The following GABBR2 variants were observed in gnomAD, a reference collection of about 807,000 sequenced individuals.
The protein encoded by GABBR2 is gamma-aminobutyric acid type B receptor subunit 2.
GABBR2 carries 23 observed loss-of-function variants against 105.6 expected under a neutral mutation model. That is an observed-to-expected ratio of 0.22 (90% confidence interval 0.16 to 0.31). The LOEUF is 0.31. Ranked by LOEUF, GABBR2 falls within the 10% of genes least tolerant of loss-of-function variation. The pLI is 1.00. For missense variants in GABBR2, 734 were observed against 1,245.5 expected, an observed-to-expected ratio of 0.59 and a Z score of 6.18; for synonymous variants, 478 against 499.7, an observed-to-expected ratio of 0.96 and a Z score of 0.58.
At chr9:98,571,584 C>T (rs986543002) in intron 2 of GABBR2, among the ~76,000 whole-genome samples, 7 of 152,290 alleles carry the variant, frequency 4.6e-5, no homozygotes, top group Admixed American at 2.6e-4. Flanking sequence ...ATCCCCTAAC[C>T]TAGACCTGCT....
At chr9:98,453,632 G>T (rs901353969) in intron 7 of GABBR2, among the ~76,000 whole-genome samples, 1 of 152,222 alleles carries the variant, frequency 6.6e-6, no homozygotes, top group African/African-American at 2.4e-5. Context: ...TTGAAGCCAG[G>T]TACTGTGCCA....
intron 1 of GABBR2, among the ~76,000 whole-genome samples, chr9:98,649,883 C>T (rs1830081019): frequency 6.6e-6 from 1 of 152,182 alleles, no homozygotes; most frequent in Admixed American, 6.5e-5. Context: ...TGCTTTATTT[C>T]CACTCAATGA....
At chr9:98,648,080 G>GGTGTGGGTGTGTGTGT (rs367677621) in intron 1 of GABBR2, among the ~76,000 whole-genome samples, 1 of 68,016 alleles carries the variant, frequency 1.5e-5, no homozygotes, top group South Asian at 6.0e-4. Flanking sequence ...AATCATACAG[G>GGTGTGGGTGTGTGTGT]GTGTGTGTGT....
intron 2 of GABBR2, among the ~76,000 whole-genome samples, chr9:98,565,846 T>C (rs557207988): frequency 6.6e-6 from 1 of 152,206 alleles, no homozygotes; most frequent in Non-Finnish European, 1.5e-5. Context: ...GTATTATTGG[T>C]ATGTTGGCTC....
At chr9:98,513,127 A>G (rs998597829) in intron 3 of GABBR2, among the ~76,000 whole-genome samples, 1 of 152,246 alleles carries the variant, frequency 6.6e-6, no homozygotes, top group African/African-American at 2.4e-5. Flanking sequence ...CTGATCTTTG[A>G]CAAACCTGAC....
chr9:98,706,639 T>C lies in GABBR2; in HGVS notation c.321+1778A>G, dbSNP rs529850576. On this transcript the variant is annotated intron_variant, in intron 1 of 18. Coordinates refer to ENST00000259455, the MANE Select transcript of GABBR2 (RefSeq NM_005458.8). Reference sequence around the variant, plus strand: ...CTTTGCTGCCACAAACAGGCCAGTATGAAATCTCTTTCAGGGAAGCTTTCT... The same window carrying C: ...CTTTGCTGCCACAAACAGGCCAGTACGAAATCTCTTTCAGGGAAGCTTTCT... Among the ~76,000 whole-genome samples, 17 of 152,320 alleles carry C rather than the reference T, an allele frequency of 1.1e-4. No individual in the cohort carries two copies. In the South Asian group the frequency reaches 3.3e-3, roughly 30 times the overall value.
chr9:98,300,028 A>C (rs1282551727), intron 16 of GABBR2, among the ~76,000 whole-genome samples: 2 of 148,854 alleles, frequency 1.3e-5, no homozygotes, highest in African/African-American at 5.1e-5. Context: ...ATGTCTGGCT[A>C]ATTTTTTTTT....
At chr9:98,340,190 T>G (rs1831187211) in intron 13 of GABBR2, among the ~76,000 whole-genome samples, 1 of 152,052 alleles carries the variant, frequency 6.6e-6, no homozygotes, top group Non-Finnish European at 1.5e-5. Context: ...GGGGTTTTTT[T>G]TTTTTTTTTG....
At chr9:98,706,119 A>C (rs1315845735) in intron 1 of GABBR2, among the ~76,000 whole-genome samples, 18 of 151,668 alleles carry the variant, frequency 1.2e-4, no homozygotes, top group African/African-American at 4.4e-4. Flanking sequence ...CAAAAAAAAA[A>C]AAAAAAAGAA....
chr9:98,491,206 A>T (rs1388802924), intron 4 of GABBR2, among the ~76,000 whole-genome samples: 1 of 152,190 alleles, frequency 6.6e-6, no homozygotes, highest in East Asian at 1.9e-4. Flanking sequence ...GACTCTCCTT[A>T]ATCCTGTTTG....
intron 3 of GABBR2, among the ~76,000 whole-genome samples, chr9:98,512,666 G>C (rs1283173641): frequency 6.6e-6 from 1 of 152,050 alleles, no homozygotes; most frequent in Non-Finnish European, 1.5e-5. Context: ...TTGCTTCAAA[G>C]AGAATAAAAT....
intron 2 of GABBR2, among the ~76,000 whole-genome samples, chr9:98,575,940 C>A (rs780367446): frequency 6.6e-6 from 1 of 152,218 alleles, no homozygotes; most frequent in Non-Finnish European, 1.5e-5. Context: ...CGCTCTCCCC[C>A]ATGTCTCCAG....
Position 98,297,929 on chromosome 9 carries a change from T to C in GABBR2, c.2542+1295A>G, listed in dbSNP as rs142198275. 1.8e-4 allele frequency among the ~76,000 whole-genome samples: 27 copies of C among 148,922 alleles called. No individual in the cohort carries two copies. In the East Asian group the frequency reaches 5.0e-3, roughly 28 times the overall value. ...ATCCCAGCTACTAAGGAGGCTGAGGTAGGAGAATTGCTTGAACAATTCTCC... is the reference window on the plus strand; with the variant it reads ...ATCCCAGCTACTAAGGAGGCTGAGGCAGGAGAATTGCTTGAACAATTCTCC... On this transcript the variant is annotated intron_variant, in intron 17 of 18. Coordinates refer to ENST00000259455, the MANE Select transcript of GABBR2 (RefSeq NM_005458.8).
Position 98,480,985 on chromosome 9 carries a change from G to T in GABBR2, c.745C>A (p.Arg249=), listed in dbSNP as rs764913932. 10 of 1,600,328 alleles carry T rather than the reference G, an allele frequency of 6.2e-6. No individual in the cohort carries two copies. The highest frequency in any genetic ancestry group is 7.7e-6 in the Non-Finnish European group (9 of 1,167,554). The change falls in exon 5 of 19, where the codon CGG becomes AGG. Residue 249 remains arginine, a synonymous_variant. Transcript: ENST00000259455. The part of the protein sequence containing the change: ...SVKKLKGNDV[R]IILGQFDQNM... ...TGGTCAAACTGGCCAAGGATGATCC[G>T]CACATCATTCCCCTGTGGATGGAAG...
chr9:98,634,823 C>T (rs947892175), intron 1 of GABBR2, among the ~76,000 whole-genome samples: 7 of 152,164 alleles, frequency 4.6e-5, no homozygotes, highest in African/African-American at 1.4e-4. Context: ...GGAACTGGAA[C>T]GCATGCGACC....
chr9:98,642,063 C>T (rs1829971796), intron 1 of GABBR2, among the ~76,000 whole-genome samples: 3 of 152,326 alleles, frequency 2.0e-5, no homozygotes, highest in South Asian at 4.1e-4. Context: ...AGTTCTGCTT[C>T]CAGGGCGCAT....
intron 7 of GABBR2, among the ~76,000 whole-genome samples, chr9:98,448,617 C>T (rs929488324): frequency 6.6e-6 from 1 of 152,012 alleles, no homozygotes; most frequent in African/African-American, 2.4e-5. Context: ...AAGGTCTCAT[C>T]ATGTTGCCCA....
intron 11 of GABBR2, among the ~76,000 whole-genome samples, chr9:98,380,787 C>T (rs149672411): frequency 1.3e-4 from 20 of 152,296 alleles, no homozygotes; most frequent in African/African-American, 3.8e-4. Flanking sequence ...TCTGTGTGCA[C>T]GCACTCACAC....
At chr9:98,475,280 G>C (rs1053169197) in intron 5 of GABBR2, among the ~76,000 whole-genome samples, 7 of 151,518 alleles carry the variant, frequency 4.6e-5, no homozygotes, top group Admixed American at 2.0e-4. Flanking sequence ...CAAAATCCCA[G>C]CTGAAGAAAA....
Sources: allele counts gnomAD v4.1 joint callset (sites outside exome capture counted in the v4.1 genomes callset), GRCh38; gene constraint gnomAD v4.1.1; transcripts MANE v1.5; gene names NCBI Gene and HGNC (gene_info 2026-07-23, HGNC 2026-07-21).